The following ZNF532 variants were observed in gnomAD, a reference collection of about 807,000 sequenced individuals.
The protein encoded by ZNF532 is zinc finger protein 532.
ZNF532 carries 22 observed loss-of-function variants against 89.3 expected under a neutral mutation model. The ratio of observed to expected loss-of-function variants is 0.25; its 90% CI spans 0.18 to 0.35. ZNF532 has a LOEUF of 0.35. Ranked by LOEUF, ZNF532 falls within the 10% of genes least tolerant of loss-of-function variation. The pLI, the probability that ZNF532 is intolerant of heterozygous loss-of-function variation, is 1.00. For synonymous variants in ZNF532, 606 were observed against 649.6 expected, an observed-to-expected ratio of 0.93 and a Z score of 1.02; for missense variants, 1,132 against 1,643.4, an observed-to-expected ratio of 0.69 and a Z score of 5.38.
chr18:58,942,007 CTTT>C (rs2063126055), intron 5 of ZNF532, among the ~76,000 whole-genome samples: 1 of 133,968 alleles, frequency 7.5e-6, no homozygotes, highest in Non-Finnish European at 1.6e-5. Flanking sequence ...TTCCTTCCTT[CTTT>C]CTTTTCTTTT....
At chr18:58,884,460 G>A (rs1211209511) in intron 2 of ZNF532, among the ~76,000 whole-genome samples, 2 of 149,978 alleles carry the variant, frequency 1.3e-5, no homozygotes, top group Non-Finnish European at 3.0e-5. Flanking sequence ...AGGGACAAAA[G>A]CTTCTGTGCA....
Position 58,918,747 on chromosome 18 carries a change from G to T in ZNF532, c.460G>T (p.Asp154Tyr). Residue 154 changes from aspartate to tyrosine, a missense_variant, in exon 3 of 10, where the codon GAC becomes TAC. Physicochemically the swap from Asp to Tyr is radical, Grantham distance 160. This residue lies in a region of ZNF532 where 302 missense variants were observed against 319.8 expected (regional missense o/e 0.94). Transcript: ENST00000591808. Reference protein sequence around the residue: ...IEVDDPPDKEDMRSSFRSNVL... With the variant: ...IEVDDPPDKEYMRSSFRSNVL... ...GGTGGATGACCCCCCTGACAAGGAGGACATGCGATCAAGCTTCAGGTCGAA... is the reference window on the plus strand; with the variant it reads ...GGTGGATGACCCCCCTGACAAGGAGTACATGCGATCAAGCTTCAGGTCGAA... The T allele has an allele frequency of 6.2e-7, 1 of 1,614,204 alleles. No homozygotes were observed. The highest frequency in any genetic ancestry group is 8.5e-7 in the Non-Finnish European group (1 of 1,180,036).
intron 5 of ZNF532, among the ~76,000 whole-genome samples, chr18:58,945,731 A>ATT (rs1555742692): frequency 8.1e-4 from 117 of 145,194 alleles, no homozygotes; most frequent in African/African-American, 2.8e-3. Flanking sequence ...TTATTTATTT[A>ATT]TTTTTTTTTT....
chr18:58,923,056 C>G (rs2061246180), intron 3 of ZNF532, among the ~76,000 whole-genome samples: 1 of 152,056 alleles, frequency 6.6e-6, no homozygotes, highest in South Asian at 2.1e-4. Context: ...CGCAGGTCAC[C>G]CGTTTGACGC....
chr18:58,903,160 GA>G (rs1473944688), intron 2 of ZNF532, among the ~76,000 whole-genome samples: 67 of 152,284 alleles, frequency 4.4e-4, no homozygotes, highest in African/African-American at 1.5e-3. Context: ...GGAAGATGAG[GA>G]AATTGAGGCT....
intron 5 of ZNF532, among the ~76,000 whole-genome samples, chr18:58,942,878 T>A (rs984993498): frequency 1.3e-5 from 2 of 152,252 alleles, no homozygotes; most frequent in Non-Finnish European, 2.9e-5. Context: ...TTTGCATTAC[T>A]TTTTTAAATG....
chr18:58,892,246 A>G (rs1221470407), intron 2 of ZNF532, among the ~76,000 whole-genome samples: 1 of 152,212 alleles, frequency 6.6e-6, no homozygotes, highest in Admixed American at 6.5e-5. Context: ...TTTTGTAAGA[A>G]TTTATGAAGA....
At chr18:58,901,709 A>G (rs1356377076) in intron 2 of ZNF532, among the ~76,000 whole-genome samples, 3 of 152,156 alleles carry the variant, frequency 2.0e-5, no homozygotes, top group Non-Finnish European at 2.9e-5. Flanking sequence ...GGGTGGAGTC[A>G]CCAGTTAGCA....
chr18:58,879,011 C>T (rs1483087359), intron 2 of ZNF532, among the ~76,000 whole-genome samples: 5 of 152,222 alleles, frequency 3.3e-5, no homozygotes, highest in Admixed American at 1.3e-4. Context: ...GTCCTCTGTC[C>T]TACTTGCAGT....
intron 2 of ZNF532, among the ~76,000 whole-genome samples, chr18:58,909,403 T>G (rs2060142367): frequency 6.6e-6 from 1 of 150,698 alleles, no homozygotes; most frequent in African/African-American, 2.4e-5. Context: ...ATCCCAGCAA[T>G]GGAAAGACGA....
chr18:58,919,629 G>A lies in ZNF532; in HGVS notation c.1342G>A (p.Val448Met), dbSNP rs1163779154. The A allele has an allele frequency of 6.2e-7, 1 of 1,614,022 alleles. No individual in the cohort carries two copies. The highest frequency in any genetic ancestry group is 8.5e-7 in the Non-Finnish European group (1 of 1,180,046). Reference protein sequence around the residue: ...LTPKQVTIKPVATAFLPVSAV... With the variant: ...LTPKQVTIKPMATAFLPVSAV... Reference sequence around the variant, plus strand: ...CCCCAAACAGGTCACAATCAAGCCTGTGGCTACTGCTTTCCTCCCAGTGTC... The same window carrying A: ...CCCCAAACAGGTCACAATCAAGCCTATGGCTACTGCTTTCCTCCCAGTGTC... The change falls in exon 3 of 10, where the codon GTG becomes ATG. Residue 448 changes from valine (V) to methionine (M), a missense_variant. This residue lies in a region of ZNF532 where 8 missense variants were observed against 41.3 expected (regional missense o/e 0.19). Transcript: ENST00000591808. This position sits in a 1 kb window ranked among gnomAD's most constrained non-coding sequence, Gnocchi z 6.1.
intron 5 of ZNF532, 32 bp downstream of exon 5, chr18:58,939,653 A>G (rs780386095): frequency 1.9e-6 from 3 of 1,591,274 alleles, no homozygotes; most frequent in East Asian, 2.2e-5. Flanking sequence ...GTTTTACTCC[A>G]CTGCTTTATT....
At chr18:58,893,872 C>A (rs747933812) in intron 2 of ZNF532, among the ~76,000 whole-genome samples, 2 of 152,094 alleles carry the variant, frequency 1.3e-5, no homozygotes, top group Non-Finnish European at 2.9e-5. Flanking sequence ...AATGGTGACT[C>A]GTTTTTACCT....
At chr18:58,953,017 C>T (rs1228484087) in intron 6 of ZNF532, among the ~76,000 whole-genome samples, 1 of 152,152 alleles carries the variant, frequency 6.6e-6, no homozygotes, top group Non-Finnish European at 1.5e-5. Context: ...TACTAGTATT[C>T]CAAGAATGTG....
intron 2 of ZNF532, among the ~76,000 whole-genome samples, chr18:58,892,908 G>A (rs1170901072): frequency 6.6e-6 from 1 of 152,026 alleles, no homozygotes; most frequent in Non-Finnish European, 1.5e-5. Context: ...AAGTCCCAAG[G>A]AATGCTTGTC....
At chr18:58,915,962 G>T (rs1285039356) in intron 2 of ZNF532, among the ~76,000 whole-genome samples, 2 of 152,242 alleles carry the variant, frequency 1.3e-5, no homozygotes, top group Non-Finnish European at 2.9e-5. Context: ...AAGCTCGAAA[G>T]AAAGAGTTGG....
chr18:58,883,393 G>T (rs1568232956), intron 2 of ZNF532, among the ~76,000 whole-genome samples: 1 of 152,152 alleles, frequency 6.6e-6, no homozygotes. Context: ...TGATTAGCCA[G>T]TGGCATCATT....
chr18:58,930,394 A>T (rs551822235), intron 3 of ZNF532, among the ~76,000 whole-genome samples: 4 of 152,136 alleles, frequency 2.6e-5, no homozygotes, highest in South Asian at 2.1e-4. Context: ...TGGGAGGCCA[A>T]AGTGGGCGGA....
intron 4 of ZNF532, among the ~76,000 whole-genome samples, chr18:58,935,589 A>G (rs1423529867): frequency 7.6e-6 from 1 of 132,416 alleles, no homozygotes; most frequent in African/African-American, 2.9e-5. Context: ...GTCCCTCAGG[A>G]TTCTCAGATG....
Sources: allele counts gnomAD v4.1 joint callset (sites outside exome capture counted in the v4.1 genomes callset), GRCh38; gene constraint gnomAD v4.1.1; regional missense constraint gnomAD v4.1.1; non-coding constraint Gnocchi (gnomAD v3.1); transcripts MANE v1.5; gene names NCBI Gene and HGNC (gene_info 2026-07-23, HGNC 2026-07-21).